QTMAN: variants seen among roughly 807,000 people sequenced by gnomAD.
QTMAN encodes tRNA-queuosine alpha-mannosyltransferase.
the QTMAN span, among the ~76,000 whole-genome samples, chr2:144,100,167 G>C: frequency 6.6e-6 from 1 of 152,220 alleles, no homozygotes; most frequent in Non-Finnish European, 1.5e-5. Context: ...TGAAATGGGA[G>C]TGTATTAAGC....
the QTMAN span, among the ~76,000 whole-genome samples, chr2:143,954,835 AT>A: frequency 6.6e-6 from 1 of 152,110 alleles, no homozygotes; most frequent in Non-Finnish European, 1.5e-5. Context: ...TACCAGTTAA[AT>A]AACAGAGTTC....
the QTMAN span, among the ~76,000 whole-genome samples, chr2:144,128,818 A>C: frequency 6.6e-6 from 1 of 152,132 alleles, no homozygotes; most frequent in East Asian, 1.9e-4. Flanking sequence ...CTGAAAAGAG[A>C]ATGAACCTGT....
the QTMAN span, among the ~76,000 whole-genome samples, chr2:144,255,664 G>T: frequency 6.6e-6 from 1 of 152,200 alleles, no homozygotes; most frequent in Non-Finnish European, 1.5e-5. Flanking sequence ...ATACAGACAG[G>T]ATCAGTTGTT....
chr2:144,175,314 T>C, the QTMAN span, among the ~76,000 whole-genome samples: 6,739 of 152,170 alleles, frequency 0.044, 494 homozygotes, highest in African/African-American at 0.15. Context: ...GTTGTAACTA[T>C]AGAAGTAATC....
At chr2:144,278,034 T>C in the QTMAN span, among the ~76,000 whole-genome samples, 2 of 152,166 alleles carry the variant, frequency 1.3e-5, no homozygotes, top group South Asian at 4.1e-4. Flanking sequence ...GATCCACCAA[T>C]GATGGCAGGC....
the QTMAN span, among the ~76,000 whole-genome samples, chr2:143,951,622 G>T: frequency 7.3e-5 from 11 of 151,492 alleles, no homozygotes; most frequent in Admixed American, 7.2e-4. Context: ...TGGGAAGAAA[G>T]GCTTATCCTC....
At chr2:144,143,257 T>C in the QTMAN span, among the ~76,000 whole-genome samples, 4 of 152,004 alleles carry the variant, frequency 2.6e-5, no homozygotes, top group Non-Finnish European at 4.4e-5. Context: ...GGAACATCTG[T>C]ATACAAGATT....
At chr2:144,095,624 T>C in the QTMAN span, among the ~76,000 whole-genome samples, 1 of 152,166 alleles carries the variant, frequency 6.6e-6, no homozygotes, top group Non-Finnish European at 1.5e-5. Context: ...GGGAAAACGC[T>C]GGTATGCTTT....
At chr2:144,190,252 C>T in the QTMAN span, among the ~76,000 whole-genome samples, 1 of 152,178 alleles carries the variant, frequency 6.6e-6, no homozygotes, top group African/African-American at 2.4e-5. Flanking sequence ...TCTGTTCCCT[C>T]TATTTTGTAT....
chr2:144,100,308 TCA>T, the QTMAN span, among the ~76,000 whole-genome samples: 4 of 152,210 alleles, frequency 2.6e-5, no homozygotes, highest in Admixed American at 6.5e-5. Flanking sequence ...CCAAGAATAT[TCA>T]CAGTTACACC....
At chr2:144,269,913 C>A in the QTMAN span, among the ~76,000 whole-genome samples, 2 of 151,376 alleles carry the variant, frequency 1.3e-5, no homozygotes, top group African/African-American at 4.8e-5. Context: ...ATATAAATTA[C>A]ATTTGTAACG....
At chr2:144,281,553 A>G in the QTMAN span, among the ~76,000 whole-genome samples, 7 of 152,062 alleles carry the variant, frequency 4.6e-5, no homozygotes, top group African/African-American at 7.2e-5. Context: ...TCCAAAATTC[A>G]TATGTTGAAG....
the QTMAN span, among the ~76,000 whole-genome samples, chr2:144,249,072 G>A: frequency 6.6e-6 from 1 of 152,290 alleles, no homozygotes; most frequent in East Asian, 1.9e-4. Context: ...CTTTATGTGA[G>A]TGTAGGATTT....
the QTMAN span, among the ~76,000 whole-genome samples, chr2:144,153,639 C>T: frequency 2.0e-5 from 3 of 152,178 alleles, no homozygotes; most frequent in Admixed American, 6.5e-5. Context: ...TGCAGTGAGC[C>T]GAGATCGCAC....
At chr2:144,204,952 A>T in the QTMAN span, among the ~76,000 whole-genome samples, 18 of 127,772 alleles carry the variant, frequency 1.4e-4, no homozygotes, top group African/African-American at 4.8e-4. Context: ...ATGAGAACAC[A>T]TGGACACAGG....
At chr2:144,287,531 T>C in the QTMAN span, among the ~76,000 whole-genome samples, 1 of 151,784 alleles carries the variant, frequency 6.6e-6, no homozygotes, top group Non-Finnish European at 1.5e-5. Context: ...CAAATAGAAA[T>C]TATATAAAGA....
the QTMAN span, among the ~76,000 whole-genome samples, chr2:144,019,435 G>GGGGTGTGC: frequency 1.7e-5 from 2 of 117,224 alleles, no homozygotes; most frequent in Non-Finnish European, 3.6e-5. Flanking sequence ...TAAGCATGCA[G>GGGGTGTGC]GTGTGTGTGT....
chr2:143,953,466 T>C, the QTMAN span, among the ~76,000 whole-genome samples: 2 of 151,864 alleles, frequency 1.3e-5, no homozygotes, highest in Admixed American at 6.6e-5. Flanking sequence ...AAAATTCAGC[T>C]CACTTTCCAT....
chr2:144,275,766 T>C, the QTMAN span, among the ~76,000 whole-genome samples: 2 of 152,194 alleles, frequency 1.3e-5, no homozygotes, highest in Admixed American at 6.5e-5. Context: ...GTATCTACAC[T>C]AGCGTTTACT....
Sources: allele counts gnomAD v4.1 joint callset (sites outside exome capture counted in the v4.1 genomes callset), GRCh38; gene constraint gnomAD v4.1.1; transcripts MANE v1.5; gene names NCBI Gene and HGNC (gene_info 2026-07-23, HGNC 2026-07-21).